Variants in TRIM24 observed in about 807,000 individuals in gnomAD.
TRIM24 encodes the protein transcription intermediary factor 1-alpha.
Under a neutral mutation model 123.9 loss-of-function variants are expected in TRIM24, and 29 were observed. The ratio of observed to expected loss-of-function variants is 0.23; its 90% CI spans 0.17 to 0.32. The LOEUF is 0.32. TRIM24 is among the 10% of genes least tolerant of loss of function. TRIM24 has a pLI of 1.00. For synonymous variants in TRIM24, 456 were observed against 461.1 expected, an observed-to-expected ratio of 0.99 and a Z score of 0.14; for missense variants, 932 against 1,295.3, an observed-to-expected ratio of 0.72 and a Z score of 4.31.
Position 138,504,473 on chromosome 7 carries a change from T to A in TRIM24, c.483+65T>A, listed in dbSNP as rs1796108270. On this transcript the variant is annotated intron_variant, in intron 2 of 18. Transcript: ENST00000343526. ...TTTTTTTTTTTTTTTTTTTTTTTTTTGAGACAGAGTCTCATTCATTCTGTT... is the reference window on the plus strand; with the variant it reads ...TTTTTTTTTTTTTTTTTTTTTTTTTAGAGACAGAGTCTCATTCATTCTGTT... 6.5e-6 allele frequency: 6 copies of A among 919,436 alleles called. No homozygotes were observed. The Admixed American group carries it at 9.2e-5, about 14-fold the overall frequency. The allele number at this position is 919,436 out of a possible 1,614,324, so 57.0% of individuals were successfully genotyped here.
chr7:138,465,922 G>C (rs1795125771), intron 1 of TRIM24, among the ~76,000 whole-genome samples: 1 of 152,190 alleles, frequency 6.6e-6, no homozygotes, highest in Non-Finnish European at 1.5e-5. Context: ...TACACTGCTT[G>C]TACTACTTTA....
chr7:138,497,047 T>A (rs1341811603), intron 1 of TRIM24, among the ~76,000 whole-genome samples: 1 of 152,212 alleles, frequency 6.6e-6, no homozygotes, highest in Non-Finnish European at 1.5e-5. Context: ...TCTCTTCTTG[T>A]AATGACTGTC....
intron 2 of TRIM24, among the ~76,000 whole-genome samples, chr7:138,509,301 A>C (rs1796234109): frequency 6.7e-6 from 1 of 149,234 alleles, no homozygotes; most frequent in African/African-American, 2.4e-5. Flanking sequence ...TAGGAAAAAA[A>C]AGTTTATATA....
At position 138,582,541 on chromosome 7, in the gene TRIM24, C is replaced by CAA. The variant is rs869142815; in HGVS notation, c.2793+787_2793+788dup. Among the ~76,000 whole-genome samples the CAA allele has an allele frequency of 4.8e-3, 335 of 69,990 alleles. 1 individual carries two copies. The highest frequency in any genetic ancestry group is 0.014 in the African/African-American group (285 of 20,634). The allele number at this position is 69,990 out of a possible 152,430, so 45.9% of individuals were successfully genotyped here. A position where few individuals can be genotyped will look rare whatever the true frequency, so the allele number is the denominator to read the frequency against. Reference sequence around the variant, plus strand: ...TGGGCAAAAGAGCAAGACTCCGTCTCAAAAAAAAAAAAAAAAAAGTTTGAT... The same window carrying CAA: ...TGGGCAAAAGAGCAAGACTCCGTCTCAAAAAAAAAAAAAAAAAAAAGTTTGAT... On this transcript the variant is annotated intron_variant, in intron 17 of 18. Transcript: ENST00000343526.
chr7:138,578,561 T>TGTGC (rs1554445349), intron 14 of TRIM24, among the ~76,000 whole-genome samples: 1 of 99,512 alleles, frequency 1.0e-5, no homozygotes, highest in African/African-American at 2.9e-5. Flanking sequence ...TGTGTGTGTG[T>TGTGC]GTGCGCGCAC....
At chr7:138,579,106 C>T (rs373932507) in intron 14 of TRIM24, 98 bp from the exon 15 acceptor site, 3 of 955,674 alleles carry the variant, frequency 3.1e-6, no homozygotes, top group African/African-American at 1.7e-5. Flanking sequence ...TCCTTTGAAG[C>T]AGCCAGGTGC....
intron 6 of TRIM24, among the ~76,000 whole-genome samples, chr7:138,531,927 G>A (rs925900613): frequency 7.9e-5 from 12 of 152,208 alleles, no homozygotes; most frequent in African/African-American, 2.9e-4. Flanking sequence ...GTGTGAGCTG[G>A]TATCTCATTG....
intron 13 of TRIM24, 104 bp downstream of exon 13, chr7:138,576,549 C>T (rs1797763797): frequency 8.7e-6 from 8 of 914,940 alleles, no homozygotes; most frequent in African/African-American, 6.9e-5. Context: ...TGAACAATTT[C>T]CTTTATTTTT....
chr7:138,555,076 A>T, intron 9 of TRIM24, 110 bp downstream of exon 9: 1 of 1,163,382 alleles, frequency 8.6e-7, no homozygotes, highest in Admixed American at 2.5e-5. Context: ...ATCTGCATTT[A>T]TAAAAATTTA....
At chr7:138,547,972 C>T (rs983174793) in intron 7 of TRIM24, among the ~76,000 whole-genome samples, 7 of 152,024 alleles carry the variant, frequency 4.6e-5, no homozygotes, top group Non-Finnish European at 7.3e-5. Context: ...GTATAGCCAA[C>T]GGGATTTGCC....
intron 4 of TRIM24, among the ~76,000 whole-genome samples, chr7:138,523,722 G>A (rs1796551178): frequency 1.5e-5 from 2 of 136,902 alleles, no homozygotes; most frequent in South Asian, 4.5e-4. Flanking sequence ...CTGCACTCCA[G>A]CCTGGGCGAC....
At chr7:138,502,125 T>C (rs566786266) in intron 1 of TRIM24, among the ~76,000 whole-genome samples, 1 of 152,276 alleles carries the variant, frequency 6.6e-6, no homozygotes, top group South Asian at 2.1e-4. Context: ...GCCTTAGAGG[T>C]CATACTTTGA....
At chr7:138,504,761 CTT>C (rs559248771) in intron 2 of TRIM24, among the ~76,000 whole-genome samples, 11 of 142,094 alleles carry the variant, frequency 7.7e-5, no homozygotes, top group Admixed American at 1.4e-4. Flanking sequence ...CACCTGGCCT[CTT>C]TTTTTTTTTT....
At chr7:138,576,498 C>T (rs1415710855) in intron 13 of TRIM24, 53 bp downstream of exon 13, 1 of 1,520,302 alleles carries the variant, frequency 6.6e-7, no homozygotes, top group Non-Finnish European at 9.1e-7. Context: ...AATTAGATTT[C>T]TTTTGCCAGT....
intron 10 of TRIM24, among the ~76,000 whole-genome samples, chr7:138,570,043 G>C (rs1797621424): frequency 6.6e-6 from 1 of 151,478 alleles, no homozygotes; most frequent in Admixed American, 6.6e-5. Context: ...TGCCTCCTGG[G>C]TTCCAGTGAT....
intron 11 of TRIM24, among the ~76,000 whole-genome samples, chr7:138,573,148 C>T (rs6948094): frequency 0.76 from 115,632 of 152,190 alleles, 44,157 homozygotes; most frequent in Non-Finnish European, 0.78. Context: ...TAAAGAGATT[C>T]GCAAGAAATG....
intron 2 of TRIM24, among the ~76,000 whole-genome samples, chr7:138,510,282 T>A (rs1437150269): frequency 2.6e-5 from 4 of 152,226 alleles, no homozygotes; most frequent in Admixed American, 2.6e-4. Flanking sequence ...GAGTTTATAC[T>A]AGAGTGGAGT....
rs572002883 is a variant in TRIM24, at chr7:138,474,405, G to T, written c.364+13493G>T. On this transcript the variant is annotated intron_variant, in intron 1 of 18. Transcript: ENST00000343526. ...CTCCCAAAGTGCTGGGATTACAGGT[G>T]TGAGCCACCGCGCCCGGCCTATCTT... Among the ~76,000 whole-genome samples, 465 of 152,286 alleles carry T rather than the reference G, an allele frequency of 3.1e-3. 4 individuals carry two copies. Among genetic ancestry groups the T allele is most frequent in the Non-Finnish European group, 2.6e-3 (175 of 68,022 alleles).
chr7:138,508,681 G>GCA (rs775765235), intron 2 of TRIM24, among the ~76,000 whole-genome samples: 1 of 93,726 alleles, frequency 1.1e-5, no homozygotes, highest in Admixed American at 9.7e-5. Context: ...GTGTGTGTGT[G>GCA]TGTGTGTGTG....
Sources: gnomAD v4.1 joint callset for allele counts (sites outside exome capture counted in the v4.1 genomes callset) on GRCh38, gnomAD v4.1.1 for gene constraint, MANE v1.5 for transcripts, NCBI Gene and HGNC (gene_info 2026-07-23, HGNC 2026-07-21) for gene names.